The following MLLT3 variants were observed in gnomAD, a reference collection of about 807,000 sequenced individuals.
The protein encoded by MLLT3 is MLLT3 super elongation complex subunit.
In MLLT3, 4 loss-of-function variants were observed where a neutral mutation model predicts 53.2. The observed-to-expected ratio is 0.08, with a 90% CI of 0.04 to 0.17. The LOEUF is 0.17. MLLT3 is among the 10% of genes least tolerant of loss of function. The pLI, the probability that MLLT3 is intolerant of heterozygous loss-of-function variation, is 1.00. For missense variants in MLLT3, 569 were observed against 684.0 expected, an observed-to-expected ratio of 0.83 and a Z score of 1.87; for synonymous variants, 283 against 230.6, an observed-to-expected ratio of 1.23 and a Z score of -2.06.
chr9:20,468,277 T>C (rs1486949339), intron 2 of MLLT3, among the ~76,000 whole-genome samples: 1 of 152,218 alleles, frequency 6.6e-6, no homozygotes, highest in Admixed American at 6.5e-5. Flanking sequence ...GAAATACATA[T>C]ATTTGCCATC....
intron 2 of MLLT3, among the ~76,000 whole-genome samples, chr9:20,492,697 TA>T (rs918872878): frequency 2.0e-5 from 3 of 151,936 alleles, no homozygotes; most frequent in Admixed American, 1.3e-4. Flanking sequence ...GCTTCAAAAC[TA>T]AAATCTCTAA....
At chr9:20,365,553 T>G in intron 6 of MLLT3, 116 bp downstream of exon 6, 1 of 1,164,630 alleles carries the variant, frequency 8.6e-7, no homozygotes. Context: ...TTTCACCGTG[T>G]TAGCTAGGAT....
At chr9:20,469,155 C>T (rs973492977) in intron 2 of MLLT3, among the ~76,000 whole-genome samples, 1 of 152,092 alleles carries the variant, frequency 6.6e-6, no homozygotes. Context: ...TCAAGTAAAA[C>T]CCTGTTTTAC....
At chr9:20,532,316 A>AT (rs1554635708) in intron 2 of MLLT3, among the ~76,000 whole-genome samples, 41 of 139,738 alleles carry the variant, frequency 2.9e-4, no homozygotes, top group African/African-American at 4.6e-4. Context: ...ATAGGAAAAA[A>AT]AAATATATAT....
intron 2 of MLLT3, among the ~76,000 whole-genome samples, chr9:20,569,418 CCT>C (rs1819469468): frequency 6.6e-6 from 1 of 152,016 alleles, no homozygotes; most frequent in African/African-American, 2.4e-5. Context: ...AGGCTCATTC[CCT>C]CTTTAAAAAC....
At chr9:20,453,918 ATG>A (rs1823898599) in intron 3 of MLLT3, among the ~76,000 whole-genome samples, 1 of 152,206 alleles carries the variant, frequency 6.6e-6, no homozygotes, top group South Asian at 2.1e-4. Context: ...TGAAATATAT[ATG>A]TATTATTGTG....
Position 20,342,889 on chromosome 9 carries a change from C to A in MLLT3, c.*3554G>T, listed in dbSNP as rs1038061601. On this transcript the variant is annotated 3_prime_UTR_variant, in exon 11 of 11. Coordinates refer to ENST00000380338, the MANE Select transcript of MLLT3 (RefSeq NM_004529.4). ...ATAGGAGCAGTACATAGCATTAGTA[C>A]ACAAAACGCTAAAGGTGGAAAGTAA... 1 of 181,596 alleles carries A rather than the reference C, an allele frequency of 5.5e-6. No homozygotes were observed. The allele number at this position is 181,596 out of a possible 1,614,324, so 11.2% of individuals were successfully genotyped here.
chr9:20,567,271 C>A (rs1210521555), intron 2 of MLLT3, among the ~76,000 whole-genome samples: 3 of 93,656 alleles, frequency 3.2e-5, no homozygotes, highest in African/African-American at 8.0e-5. Flanking sequence ...TTTCTATAAC[C>A]AAAAGAAGAG....
rs1038061601 is a variant in MLLT3, at chr9:20,342,889, C to T, written c.*3554G>A. 1 of 181,596 alleles carries T rather than the reference C, an allele frequency of 5.5e-6. No individual in the cohort carries two copies. Among genetic ancestry groups the T allele is most frequent in the Non-Finnish European group, 1.2e-5 (1 of 86,802 alleles). 11.2% of individuals were successfully genotyped at this position (181,596 alleles called of 1,614,324 possible). On this transcript the variant is annotated 3_prime_UTR_variant, in exon 11 of 11. Coordinates refer to ENST00000380338, the MANE Select transcript of MLLT3 (RefSeq NM_004529.4). ...ATAGGAGCAGTACATAGCATTAGTACACAAAACGCTAAAGGTGGAAAGTAA... is the reference window on the plus strand; with the variant it reads ...ATAGGAGCAGTACATAGCATTAGTATACAAAACGCTAAAGGTGGAAAGTAA...
intron 5 of MLLT3, among the ~76,000 whole-genome samples, chr9:20,389,533 G>C (rs1368418895): frequency 6.6e-6 from 1 of 152,150 alleles, no homozygotes; most frequent in Non-Finnish European, 1.5e-5. Context: ...TCAGTGCTTT[G>C]GGAGGCCAAG....
intron 5 of MLLT3, among the ~76,000 whole-genome samples, chr9:20,404,721 G>A (rs1419034837): frequency 6.6e-6 from 1 of 152,104 alleles, no homozygotes. Context: ...GCCCAGGCCG[G>A]TCTTGAACTC....
intron 10 of MLLT3, among the ~76,000 whole-genome samples, chr9:20,350,468 G>C (rs995618100): frequency 6.6e-6 from 1 of 150,774 alleles, no homozygotes; most frequent in Admixed American, 6.6e-5. Flanking sequence ...GGTGGCGGGC[G>C]CCTGTAGTCC....
At chr9:20,453,888 CT>C (rs1823898011) in intron 3 of MLLT3, among the ~76,000 whole-genome samples, 1 of 152,104 alleles carries the variant, frequency 6.6e-6, no homozygotes, top group African/African-American at 2.4e-5. Context: ...GTGTATCCTA[CT>C]TTTCTATATT....
chr9:20,396,175 G>T (rs145719551), intron 5 of MLLT3, among the ~76,000 whole-genome samples: 396 of 151,456 alleles, frequency 2.6e-3, no homozygotes, highest in African/African-American at 8.7e-3. Flanking sequence ...TTTTTTAAGA[G>T]AAAGTCATCT....
intron 4 of MLLT3, among the ~76,000 whole-genome samples, chr9:20,430,004 A>C (rs966258945): frequency 2.0e-5 from 3 of 152,204 alleles, no homozygotes; most frequent in African/African-American, 7.2e-5. Flanking sequence ...CAGAAATACA[A>C]AAGGATCTGT....
chr9:20,441,172 C>G (rs1234222155), intron 4 of MLLT3, among the ~76,000 whole-genome samples: 1 of 152,018 alleles, frequency 6.6e-6, no homozygotes, highest in Non-Finnish European at 1.5e-5. Flanking sequence ...TTTTCCTTGT[C>G]ACTTAAAAGG....
chr9:20,511,318 G>A (rs992317181), intron 2 of MLLT3, among the ~76,000 whole-genome samples: 3 of 152,088 alleles, frequency 2.0e-5, no homozygotes, highest in Admixed American at 2.0e-4. Flanking sequence ...ATCAGACCCA[G>A]TATTGGAAAG....
At chr9:20,500,197 C>T (rs770848411) in intron 2 of MLLT3, among the ~76,000 whole-genome samples, 5 of 152,178 alleles carry the variant, frequency 3.3e-5, no homozygotes, top group Non-Finnish European at 7.4e-5. Context: ...GTGCCTGAAG[C>T]AAGAGCGGTG....
chr9:20,462,726 A>C (rs1824141525), intron 2 of MLLT3, among the ~76,000 whole-genome samples: 1 of 152,178 alleles, frequency 6.6e-6, no homozygotes, highest in Non-Finnish European at 1.5e-5. Context: ...TCCCTACTTA[A>C]TTCAGAGCTT....
Sources: gnomAD v4.1 joint callset for allele counts (sites outside exome capture counted in the v4.1 genomes callset) on GRCh38, gnomAD v4.1.1 for gene constraint, MANE v1.5 for transcripts, NCBI Gene and HGNC (gene_info 2026-07-23, HGNC 2026-07-21) for gene names.